Variants in KDM3A observed in about 807,000 individuals in gnomAD.
KDM3A encodes the protein lysine-specific demethylase 3A.
KDM3A carries 60 observed loss-of-function variants against 158.0 expected under a neutral mutation model. That is an observed-to-expected ratio of 0.38 (90% confidence interval 0.31 to 0.47). KDM3A has a LOEUF of 0.47. KDM3A is among the 20% of genes least tolerant of loss of function. The probability of loss-of-function intolerance (pLI) is 0.99; values close to 1 mark genes in which losing one functional copy is unlikely to be tolerated. For missense variants in KDM3A, 1,319 were observed against 1,574.3 expected, an observed-to-expected ratio of 0.84 and a Z score of 2.74; for synonymous variants, 608 against 549.3, an observed-to-expected ratio of 1.11 and a Z score of -1.49.
chr2:86,461,643 A>G (rs1006710710), intron 8 of KDM3A, among the ~76,000 whole-genome samples: 1 of 152,342 alleles, frequency 6.6e-6, no homozygotes, highest in East Asian at 1.9e-4. Context: ...TATGAAAGGT[A>G]TAAACAGAAA....
chr2:86,480,229 G>A lies in KDM3A; in HGVS notation c.2379G>A (p.Leu793=). The stretch of plus-strand genomic sequence containing the variant: ...TGCTCCAGCAGAATCCCTCAGTGTT[G>A]GAGCCAGCAGCTGTGGGTGGGGAAG... The part of the protein sequence containing the change: ...GAVLQQNPSV[L]EPAAVGGEAA... Residue 793 remains leucine (L), a synonymous_variant, in exon 16 of 26, where the codon TTG becomes TTA. Coordinates refer to ENST00000312912, the MANE Select transcript of KDM3A (RefSeq NM_018433.6). 6.2e-7 allele frequency: 1 copy of A among 1,613,716 alleles called. No individual in the cohort carries two copies. Among genetic ancestry groups the A allele is most frequent in the Non-Finnish European group, 8.5e-7 (1 of 1,180,020 alleles).
At chr2:86,474,701 T>TTGTGTCTG in intron 11 of KDM3A, 75 bp from the exon 12 acceptor site, 1 of 427,002 alleles carries the variant, frequency 2.3e-6, no homozygotes, top group South Asian at 2.5e-5. Flanking sequence ...TGTAAATAAG[T>TTGTGTCTG]TGTGTGTGTG....
chr2:86,482,539 T>A lies in KDM3A; in HGVS notation c.2767T>A (p.Leu923Ile). ...SLVQNKTTSDLSKRPQGLTIK... is the reference protein window; with the variant it reads ...SLVQNKTTSDISKRPQGLTIK... Reference sequence around the variant, plus strand: ...GGTGCAAAATAAGACGACTTCTGATTTATCTAAGAGGCCTCAAGGACTAAC... The same window carrying A: ...GGTGCAAAATAAGACGACTTCTGATATATCTAAGAGGCCTCAAGGACTAAC... Residue 923 changes from leucine to isoleucine, a missense_variant, in exon 18 of 26, where the codon TTA becomes ATA. By Grantham distance (5) the Leu-to-Ile change is conservative. This residue lies in a region of KDM3A where 368 missense variants were observed against 415.8 expected (regional missense o/e 0.89). Transcript: ENST00000312912. 1 of 1,614,142 alleles carries A rather than the reference T, an allele frequency of 6.2e-7. No individual in the cohort carries two copies. Among genetic ancestry groups the A allele is most frequent in the African/African-American group, 1.3e-5 (1 of 75,034 alleles).
chr2:86,478,104 G>T, intron 13 of KDM3A, 66 bp from the exon 14 acceptor site: 1 of 1,609,498 alleles, frequency 6.2e-7, no homozygotes, highest in Non-Finnish European at 8.5e-7. Flanking sequence ...TGTGTTTGGC[G>T]GGTTTCTTGA....
intron 8 of KDM3A, among the ~76,000 whole-genome samples, chr2:86,461,921 G>A (rs1672947861): frequency 6.6e-6 from 1 of 152,258 alleles, no homozygotes; most frequent in South Asian, 2.1e-4. Context: ...GAGCAGGAGT[G>A]GTAAGGAGAC....
At chr2:86,438,718 C>T (rs909903909), upstream of KDM3A, among the ~76,000 whole-genome samples, 3 of 151,962 alleles carry the variant, frequency 2.0e-5, no homozygotes, top group Non-Finnish European at 4.4e-5. Flanking sequence ...ACTAATACCC[C>T]TAATTCTAGT....
At position 86,480,197 on chromosome 2, in the gene KDM3A, G is replaced by C. The variant is rs1042598309; in HGVS notation, c.2347G>C (p.Gly783Arg). 1 of 1,613,156 alleles carries C rather than the reference G, an allele frequency of 6.2e-7. No homozygotes were observed. Among genetic ancestry groups the C allele is most frequent in the Non-Finnish European group, 8.5e-7 (1 of 1,179,986 alleles). Residue 783 changes from glycine to arginine, a missense_variant, in exon 16 of 26, where the codon GGT becomes CGT. Transcript: ENST00000312912. ...TSLAGEKPTL[G>R]AVLQQNPSVL... ...TTTAGCTGGAGAAAAACCGACTCTT[G>C]GTGCAGTGCTCCAGCAGAATCCCTC... is the stretch of plus-strand genomic sequence containing the variant.
chr2:86,443,222 C>T (rs140203215), intron 2 of KDM3A: 37 of 152,336 alleles, frequency 2.4e-4, no homozygotes, highest in Non-Finnish European at 4.6e-4. Flanking sequence ...TCAGAATCTT[C>T]ACTTGGCCAT....
intron 8 of KDM3A, among the ~76,000 whole-genome samples, chr2:86,463,627 A>G (rs977716484): frequency 2.6e-5 from 4 of 152,202 alleles, no homozygotes; most frequent in African/African-American, 9.7e-5. Context: ...CAAGAGTCCT[A>G]TGTGGTCTGG....
chr2:86,491,801 A>G (rs973791334), intron 25 of KDM3A: 7 of 530,242 alleles, frequency 1.3e-5, no homozygotes, highest in Middle Eastern at 5.2e-4. Flanking sequence ...GAGTAGGTCT[A>G]CGTGGTATCA....
intron 21 of KDM3A, chr2:86,488,394 A>G (rs1674291956): frequency 6.6e-6 from 1 of 152,060 alleles, no homozygotes; most frequent in African/African-American, 2.4e-5. Context: ...CATCCTCTCA[A>G]CTATCCTATG....
At chr2:86,446,187 T>C (rs1392584733) in intron 2 of KDM3A, among the ~76,000 whole-genome samples, 2 of 152,202 alleles carry the variant, frequency 1.3e-5, no homozygotes, top group Non-Finnish European at 2.9e-5. Context: ...TAGGTACTAA[T>C]AAGGTACACA....
Position 86,453,166 on chromosome 2 carries a change from C to T in KDM3A, c.454-1919C>T, listed in dbSNP as rs138350979. Reference sequence around the variant, plus strand: ...AAATTAGTAAGTTTATATTTGTTCTCGGGAAGAGGGGCTGTGGGGCTGTGA... The same window carrying T: ...AAATTAGTAAGTTTATATTTGTTCTTGGGAAGAGGGGCTGTGGGGCTGTGA... On this transcript the variant is annotated intron_variant, in intron 4 of 25. Coordinates refer to ENST00000312912, the MANE Select transcript of KDM3A (RefSeq NM_018433.6). Among the ~76,000 whole-genome samples, 122 of 152,064 alleles carry T rather than the reference C, an allele frequency of 8.0e-4. 2 individuals are homozygous for T. The highest frequency in any genetic ancestry group is 2.7e-3 in the African/African-American group (111 of 41,490).
intron 9 of KDM3A, 152 bp from the exon 10 acceptor site, chr2:86,466,220 C>G (rs758863469): frequency 1.7e-5 from 13 of 781,312 alleles, no homozygotes; most frequent in Non-Finnish European, 2.6e-5. Flanking sequence ...AACTCTAGCT[C>G]ACAGAAATCT....
chr2:86,483,335 A>G (rs1349314990), intron 18 of KDM3A: 1 of 152,482 alleles, frequency 6.6e-6, no homozygotes, highest in Admixed American at 6.5e-5. Context: ...CCAAACAGAA[A>G]GATGTGAGTG....
At chr2:86,441,635 C>G (rs1473472295) in intron 1 of KDM3A, 191 bp downstream of exon 1, 2 of 151,082 alleles carry the variant, frequency 1.3e-5, no homozygotes, top group South Asian at 4.2e-4. Flanking sequence ...CACCCTCCCC[C>G]GTGGGGCCGC....
intron 20 of KDM3A, among the ~76,000 whole-genome samples, chr2:86,485,456 T>C (rs1175754240): frequency 6.6e-6 from 1 of 152,250 alleles, no homozygotes; most frequent in Non-Finnish European, 1.5e-5. Flanking sequence ...TAATCAATGA[T>C]ATATCTCTAA....
intron 2 of KDM3A, among the ~76,000 whole-genome samples, chr2:86,448,582 GGA>G (rs905882612): frequency 1.3e-5 from 2 of 152,126 alleles, no homozygotes; most frequent in Admixed American, 6.5e-5. Flanking sequence ...ACCTCTCTTG[GGA>G]GAGAGAGGCA....
upstream of KDM3A, among the ~76,000 whole-genome samples, chr2:86,437,661 CAG>C (rs1243088114): frequency 6.6e-6 from 1 of 152,144 alleles, no homozygotes; most frequent in African/African-American, 2.4e-5. Flanking sequence ...TATCAAGAGA[CAG>C]AATTTTTCAT....
Sources: allele counts gnomAD v4.1 joint callset (sites outside exome capture counted in the v4.1 genomes callset), GRCh38; gene constraint gnomAD v4.1.1; regional missense constraint gnomAD v4.1.1; transcripts MANE v1.5; gene names NCBI Gene and HGNC (gene_info 2026-07-23, HGNC 2026-07-21).